The following RFX4 variants were observed in gnomAD, a reference collection of about 807,000 sequenced individuals.
RFX4 encodes transcription factor RFX4.
In RFX4, 10 loss-of-function variants were observed where a neutral mutation model predicts 95.0. The observed-to-expected ratio is 0.11, with a 90% CI of 0.06 to 0.18. The LOEUF (loss-of-function observed/expected upper bound fraction) is 0.18. Ranked by LOEUF, RFX4 falls within the 10% of genes least tolerant of loss-of-function variation. RFX4 has a pLI of 1.00. For missense variants in RFX4, 640 were observed against 922.0 expected (o/e 0.69, Z 3.96); for synonymous variants, 321 against 340.7 (o/e 0.94, Z 0.64).
rs777169973 is a variant in RFX4, at chr12:106,674,334, CT to C, written c.316-7647del. ...TAACATCCCCACCTCCATTTTCTTT[CT>C]TTTTTTTTTTTCCAAGACAGAGTCT... is the stretch of plus-strand genomic sequence containing the variant. On this transcript the variant is annotated intron_variant, in intron 4 of 17. Transcript: ENST00000392842. 5.1e-3 allele frequency among the ~76,000 whole-genome samples: 731 copies of C among 144,610 alleles called. 2 individuals carry two copies. Among genetic ancestry groups the C allele is most frequent in the Middle Eastern group, 0.011 (3 of 272 alleles). The allele number at this position is 144,610 out of a possible 152,430, so 94.9% of individuals were successfully genotyped here.
intron 4 of RFX4, among the ~76,000 whole-genome samples, chr12:106,675,769 G>A (rs1592925312): frequency 6.6e-6 from 1 of 152,184 alleles, no homozygotes; most frequent in African/African-American, 2.4e-5. Context: ...TGAAGAGAGG[G>A]CTCTGGACAA....
chr12:106,615,656 A>G (rs959021840), intron 2 of RFX4, among the ~76,000 whole-genome samples: 2 of 152,194 alleles, frequency 1.3e-5, no homozygotes, highest in African/African-American at 4.8e-5. Flanking sequence ...AATTTTTCCC[A>G]GCAGTGTTTT....
intron 15 of RFX4, among the ~76,000 whole-genome samples, chr12:106,737,091 C>G (rs555826904): frequency 1.3e-5 from 2 of 151,070 alleles, no homozygotes; most frequent in South Asian, 2.1e-4. Flanking sequence ...TTCCTCCAGA[C>G]CCTCACAGCA....
intron 2 of RFX4, among the ~76,000 whole-genome samples, chr12:106,631,144 G>A (rs547004071): frequency 7.9e-5 from 12 of 152,320 alleles, no homozygotes; most frequent in African/African-American, 2.9e-4. Context: ...TAGGGCAGCT[G>A]TGAAAACTAA....
In RFX4 at chr12:106,750,334, G is replaced by A. The variant is rs187717748; in HGVS notation, c.1797-321G>A. Among the ~76,000 whole-genome samples the A allele has an allele frequency of 5.0e-3, 765 of 151,920 alleles. 5 individuals are homozygous for A. Among genetic ancestry groups the A allele is most frequent in the African/African-American group, 0.017 (713 of 41,436 alleles). On this transcript the variant is annotated intron_variant, in intron 16 of 17. Transcript: ENST00000392842. ...TCTATTAAAAATATAAAAATTAGCC[G>A]GGCATGGTGGCACATGCCTGTAATC...
chr12:106,680,942 C>A (rs1286850133), intron 4 of RFX4: 1 of 152,242 alleles, frequency 6.6e-6, no homozygotes, highest in Non-Finnish European at 1.5e-5. Context: ...TCCAGCCTAA[C>A]CAATGCCTGA....
At position 106,720,730 on chromosome 12, in the gene RFX4, C is replaced by CT; in HGVS notation, c.1234-29_1234-28insT. 1 of 1,593,978 alleles carries CT rather than the reference C, an allele frequency of 6.3e-7. No homozygotes were observed. Among genetic ancestry groups the CT allele is most frequent in the Middle Eastern group, 1.7e-4 (1 of 5,866 alleles). Reference sequence around the variant, plus strand: ...GTAATAAATGAAAGGTCAAGTCGACCACTATTAAAGCCATTTACTTTCTTG... The same window carrying CT: ...GTAATAAATGAAAGGTCAAGTCGACCTACTATTAAAGCCATTTACTTTCTTG... On this transcript the variant is annotated intron_variant, in intron 12 of 17. Transcript: ENST00000392842. The surrounding 1 kb of genome is among the most constrained non-coding windows in gnomAD (Gnocchi z 4.2).
At chr12:106,692,802 G>A (rs2041809251) in intron 7 of RFX4, among the ~76,000 whole-genome samples, 1 of 152,160 alleles carries the variant, frequency 6.6e-6, no homozygotes, top group African/African-American at 2.4e-5. Context: ...ACGATGCCAA[G>A]CATTTTACAT....
At chr12:106,686,006 T>TAA (rs1263689617) in intron 5 of RFX4, among the ~76,000 whole-genome samples, 1 of 152,206 alleles carries the variant, frequency 6.6e-6, no homozygotes, top group Non-Finnish European at 1.5e-5. Flanking sequence ...TTAAGCCTAT[T>TAA]TTGAGTTAAT....
intron 1 of RFX4, among the ~76,000 whole-genome samples, chr12:106,603,390 T>C (rs754499715): frequency 3.9e-5 from 6 of 152,228 alleles, no homozygotes; most frequent in Admixed American, 6.5e-5. Flanking sequence ...TAACTTCACA[T>C]TGGGGTTTCC....
At chr12:106,614,320 C>T (rs559554815) in intron 2 of RFX4, among the ~76,000 whole-genome samples, 1 of 151,922 alleles carries the variant, frequency 6.6e-6, no homozygotes, top group East Asian at 1.9e-4. Context: ...GCCACCATGC[C>T]CAACTAATTT....
chr12:106,621,994 TA>T (rs2040196049), intron 2 of RFX4, among the ~76,000 whole-genome samples: 1 of 152,170 alleles, frequency 6.6e-6, no homozygotes, highest in Admixed American at 6.5e-5. Flanking sequence ...GTGGGTGAGT[TA>T]ATCTAGTGCA....
At chr12:106,635,883 C>T (rs2040500954) in intron 2 of RFX4, among the ~76,000 whole-genome samples, 1 of 152,118 alleles carries the variant, frequency 6.6e-6, no homozygotes, top group South Asian at 2.1e-4. Flanking sequence ...TATTTGTTTC[C>T]TTTTCACTTC....
chr12:106,729,841 T>C (rs922020746), intron 13 of RFX4, among the ~76,000 whole-genome samples: 7 of 152,194 alleles, frequency 4.6e-5, no homozygotes, highest in African/African-American at 1.4e-4. Context: ...CAACAGCGCA[T>C]GTAATTACCC....
chr12:106,749,365 G>A (rs1417996935), intron 16 of RFX4, among the ~76,000 whole-genome samples: 1 of 152,116 alleles, frequency 6.6e-6, no homozygotes, highest in African/African-American at 2.4e-5. Context: ...GGAGGAGGAG[G>A]GGGAGGATTT....
At chr12:106,755,635 TTA>T (rs2043094658) in intron 17 of RFX4, among the ~76,000 whole-genome samples, 1 of 152,196 alleles carries the variant, frequency 6.6e-6, no homozygotes, top group Non-Finnish European at 1.5e-5. Context: ...CAAGATAACC[TTA>T]TTTCTTACGT....
At chr12:106,601,453 T>C (rs1476064226) in intron 1 of RFX4, 1 of 1,177,552 alleles carries the variant, frequency 8.5e-7, no homozygotes, top group Non-Finnish European at 1.2e-6. Context: ...TGTCAACTCT[T>C]TTATGTAGCG....
intron 15 of RFX4, among the ~76,000 whole-genome samples, chr12:106,747,217 A>G (rs1010155130): frequency 6.6e-6 from 1 of 152,174 alleles, no homozygotes; most frequent in Non-Finnish European, 1.5e-5. Flanking sequence ...GTTGCTGGGA[A>G]TTGTGGTACT....
intron 7 of RFX4, among the ~76,000 whole-genome samples, chr12:106,691,294 G>C (rs1264956454): frequency 6.6e-6 from 1 of 152,228 alleles, no homozygotes; most frequent in Non-Finnish European, 1.5e-5. Context: ...TCATACAAAT[G>C]CTTGTTCTTT....
Sources: gnomAD v4.1 joint callset for allele counts (sites outside exome capture counted in the v4.1 genomes callset) on GRCh38, gnomAD v4.1.1 for gene constraint, Gnocchi (gnomAD v3.1) non-coding constraint, MANE v1.5 for transcripts, NCBI Gene and HGNC (gene_info 2026-07-23, HGNC 2026-07-21) for gene names.